LRP1B: variants seen among roughly 807,000 people sequenced by gnomAD.
The protein encoded by LRP1B is low-density lipoprotein receptor-related protein 1B.
In LRP1B, 217 loss-of-function variants were observed where a neutral mutation model predicts 556.6. The observed-to-expected ratio is 0.39, with a 90% CI of 0.35 to 0.44. The LOEUF (loss-of-function observed/expected upper bound fraction) is 0.44. Among genes scored for constraint, LRP1B ranks in the 20% least tolerant of loss-of-function variants. The probability of loss-of-function intolerance (pLI) is 1.00; values close to 1 mark genes in which losing one functional copy is unlikely to be tolerated. For missense variants in LRP1B, 5,053 were observed against 5,620.8 expected, an observed-to-expected ratio of 0.90 and a Z score of 3.23; for synonymous variants, 2,047 against 1,865.8, an observed-to-expected ratio of 1.10 and a Z score of -2.50.
intron 7 of LRP1B, among the ~76,000 whole-genome samples, chr2:141,085,888 C>G (rs1700037731): frequency 6.6e-6 from 1 of 152,116 alleles, no homozygotes; most frequent in Non-Finnish European, 1.5e-5. Context: ...CCCTACCATT[C>G]CTTGCAGACA....
chr2:140,965,738 G>A (rs1434748461), intron 18 of LRP1B, among the ~76,000 whole-genome samples: 1 of 150,968 alleles, frequency 6.6e-6, no homozygotes, highest in Non-Finnish European at 1.5e-5. Context: ...CCCAGTGTGC[G>A]ATGTTCCCTG....
chr2:141,544,296 C>CTCTTCT (rs1175616888), intron 2 of LRP1B, among the ~76,000 whole-genome samples: 37 of 78,342 alleles, frequency 4.7e-4, no homozygotes, highest in African/African-American at 1.8e-3. Context: ...AAATTTACCA[C>CTCTTCT]TCTTCTTCTT....
At chr2:140,823,792 GA>G (rs1377218899) in intron 31 of LRP1B, among the ~76,000 whole-genome samples, 1 of 151,286 alleles carries the variant, frequency 6.6e-6, no homozygotes, top group South Asian at 2.1e-4. Flanking sequence ...CAGAAAGACA[GA>G]AAAAAAAGTA....
chr2:141,848,263 T>C (rs961188708), intron 1 of LRP1B, among the ~76,000 whole-genome samples: 2 of 151,542 alleles, frequency 1.3e-5, no homozygotes, highest in Middle Eastern at 3.2e-3. Flanking sequence ...ATTCCAACCA[T>C]TGGTATAAAC....
intron 2 of LRP1B, among the ~76,000 whole-genome samples, chr2:141,620,724 G>T (rs4954920): frequency 0.15 from 22,159 of 151,994 alleles, 1,727 homozygotes; most frequent in South Asian, 0.25. Flanking sequence ...TCCTTTCTCT[G>T]ACTCTGTTTT....
intron 7 of LRP1B, among the ~76,000 whole-genome samples, chr2:141,147,292 C>A (rs1177671709): frequency 6.6e-6 from 1 of 152,118 alleles, no homozygotes; most frequent in Non-Finnish European, 1.5e-5. Flanking sequence ...TTCTCTCACC[C>A]CTTTGAAAGC....
intron 7 of LRP1B, among the ~76,000 whole-genome samples, chr2:141,086,808 C>G (rs1700058526): frequency 6.6e-6 from 1 of 152,096 alleles, no homozygotes; most frequent in Non-Finnish European, 1.5e-5. Flanking sequence ...CACAGACACC[C>G]TCAGAAGCCA....
At chr2:140,683,785 G>A in intron 41 of LRP1B, 1 of 967,962 alleles carries the variant, frequency 1.0e-6, no homozygotes, top group South Asian at 1.3e-5. Context: ...GTGGTCAGCT[G>A]TAGCAAAGCC....
At chr2:141,405,334 T>G (rs1373173733) in intron 3 of LRP1B, among the ~76,000 whole-genome samples, 1 of 152,144 alleles carries the variant, frequency 6.6e-6, no homozygotes, top group Non-Finnish European at 1.5e-5. Context: ...AAAAAAACTA[T>G]TTAGGAATCA....
intron 3 of LRP1B, among the ~76,000 whole-genome samples, chr2:141,446,900 T>C (rs1405620843): frequency 6.6e-5 from 10 of 152,128 alleles, no homozygotes; most frequent in East Asian, 1.9e-4. Flanking sequence ...TTGGGGTTGC[T>C]CTTCTCAAGG....
In LRP1B at chr2:140,568,917, C is replaced by A. The variant is rs116752294; in HGVS notation, c.7195-26946G>T. On this transcript the variant is annotated intron_variant, in intron 43 of 90. Coordinates refer to ENST00000389484, the MANE Select transcript of LRP1B (RefSeq NM_018557.3). ...TAACCTTTAGTAATTAAGGAGAAATCAAATATTTCCCAGACAAGTGAAAAT... is the reference window on the plus strand; with the variant it reads ...TAACCTTTAGTAATTAAGGAGAAATAAAATATTTCCCAGACAAGTGAAAAT... Among the ~76,000 whole-genome samples the A allele has an allele frequency of 3.8e-3, 582 of 152,052 alleles. 5 individuals carry two copies. Among genetic ancestry groups the A allele is most frequent in the African/African-American group, 0.013 (544 of 41,514 alleles).
At chr2:141,117,061 A>G (rs760533575) in intron 7 of LRP1B, among the ~76,000 whole-genome samples, 1 of 152,090 alleles carries the variant, frequency 6.6e-6, no homozygotes, top group Non-Finnish European at 1.5e-5. Context: ...AGATGTATTA[A>G]TAACGATTAC....
chr2:140,807,929 T>A (rs949140621), intron 32 of LRP1B, among the ~76,000 whole-genome samples: 2 of 151,970 alleles, frequency 1.3e-5, no homozygotes, highest in African/African-American at 4.8e-5. Context: ...CCGTCTCTAC[T>A]GAAAATACAA....
At chr2:140,468,832 A>G (rs113989136) in intron 60 of LRP1B, among the ~76,000 whole-genome samples, 2,314 of 152,338 alleles carry the variant, frequency 0.015, 60 homozygotes, top group African/African-American at 0.051. Context: ...GTGTTTGGTC[A>G]GAATCCATTA....
At chr2:140,291,443 A>C (rs1332239120) in intron 84 of LRP1B, among the ~76,000 whole-genome samples, 2 of 150,878 alleles carry the variant, frequency 1.3e-5, no homozygotes, top group African/African-American at 4.9e-5. Flanking sequence ...TATATCTCCT[A>C]ATGCTATCCC....
At chr2:140,769,132 G>A in intron 35 of LRP1B, 81 bp downstream of exon 35, 1 of 1,291,968 alleles carries the variant, frequency 7.7e-7, no homozygotes, top group Non-Finnish European at 1.1e-6. Context: ...TTAAAGCACA[G>A]AGGAAAAGAT....
chr2:140,683,911 G>A lies in LRP1B; in HGVS notation c.6799+16339C>T, dbSNP rs983976855. The A allele has an allele frequency of 3.1e-5, 15 of 483,734 alleles. No individual in the cohort carries two copies. In the Admixed American group the frequency reaches 4.9e-4, roughly 16 times the overall value. The allele number at this position is 483,734 out of a possible 1,614,324, so 30.0% of individuals were successfully genotyped here. On this transcript the variant is annotated intron_variant, in intron 41 of 90. Transcript: ENST00000389484. ...CTGAGGGGTCCATGCCGGGCTGCCC[G>A]CGGCTTGCCCCCCTGGATGTTGTGG...
At chr2:140,538,493 C>T (rs1464021297) in intron 45 of LRP1B, among the ~76,000 whole-genome samples, 2 of 151,950 alleles carry the variant, frequency 1.3e-5, no homozygotes, top group Non-Finnish European at 2.9e-5. Context: ...TTTCTGTTCC[C>T]GAGTCAATTC....
At chr2:141,359,178 G>C (rs1260860506) in intron 3 of LRP1B, among the ~76,000 whole-genome samples, 2 of 148,248 alleles carry the variant, frequency 1.3e-5, no homozygotes, top group East Asian at 2.0e-4. Context: ...TGATTAAAAA[G>C]TTTAACCAAG....
Sources: gnomAD v4.1 joint callset for allele counts (sites outside exome capture counted in the v4.1 genomes callset) on GRCh38, gnomAD v4.1.1 for gene constraint, MANE v1.5 for transcripts, NCBI Gene and HGNC (gene_info 2026-07-23, HGNC 2026-07-21) for gene names.